The following ADAMTS3 variants were observed in gnomAD, a reference collection of about 807,000 sequenced individuals.
ADAMTS3 encodes the protein A disintegrin and metalloproteinase with thrombospondin motifs 3.
Under a neutral mutation model 129.0 loss-of-function variants are expected in ADAMTS3, and 73 were observed. The ratio of observed to expected loss-of-function variants is 0.57; its 90% CI spans 0.47 to 0.69. The LOEUF (loss-of-function observed/expected upper bound fraction) is 0.69, where lower values mean the gene tolerates loss of function less well. Ranked by LOEUF, ADAMTS3 falls within the 30% of genes least tolerant of loss-of-function variation. ADAMTS3 has a pLI of 0.00. For synonymous variants in ADAMTS3, 477 were observed against 510.8 expected, an observed-to-expected ratio of 0.93 and a Z score of 0.89; for missense variants, 1,457 against 1,514.5, an observed-to-expected ratio of 0.96 and a Z score of 0.63.
chr4:72,371,903 C>CAA (rs34017100), intron 4 of ADAMTS3, among the ~76,000 whole-genome samples: 3 of 142,442 alleles, frequency 2.1e-5, no homozygotes, highest in African/African-American at 5.0e-5. Flanking sequence ...ATACAAATTT[C>CAA]AAAAAAAAAA....
At chr4:72,506,450 G>A (rs1459292315) in intron 3 of ADAMTS3, among the ~76,000 whole-genome samples, 1 of 152,168 alleles carries the variant, frequency 6.6e-6, no homozygotes, top group African/African-American at 2.4e-5. Context: ...TCTGGCTGTG[G>A]TGACCCCTAC....
chr4:72,556,387 T>A (rs1560566532), intron 2 of ADAMTS3, among the ~76,000 whole-genome samples: 1 of 151,768 alleles, frequency 6.6e-6, no homozygotes, highest in Non-Finnish European at 1.5e-5. Flanking sequence ...ATACCAGATG[T>A]CCCCAATACA....
rs1553913389 is a variant in ADAMTS3, at chr4:72,416,172, A to AGTATAAATATATATATACATATATGT, written c.505-1202_505-1201insACATATATGTATATATATATTTATAC. Among the ~76,000 whole-genome samples the AGTATAAATATATATATACATATATGT allele has an allele frequency of 8.9e-4, 130 of 146,078 alleles. 1 individual carries two copies. Among genetic ancestry groups the AGTATAAATATATATATACATATATGT allele is most frequent in the Non-Finnish European group, 4.2e-4 (28 of 66,834 alleles). On this transcript the variant is annotated intron_variant, in intron 3 of 21. Transcript: ENST00000286657. Reference sequence around the variant, plus strand: ...AGAGCATATGTTTTCAGCAAATATAAATATAAATATATATATTCATATATG... The same window carrying AGTATAAATATATATATACATATATGT: ...AGAGCATATGTTTTCAGCAAATATAAGTATAAATATATATATACATATATGTATATAAATATATATATTCATATATG...
intron 3 of ADAMTS3, among the ~76,000 whole-genome samples, chr4:72,518,704 A>G (rs533560851): frequency 6.6e-6 from 1 of 151,560 alleles, no homozygotes; most frequent in South Asian, 2.1e-4. Context: ...ATCTTCCTCT[A>G]TCCTTTTATT....
Position 72,305,704 on chromosome 4 carries a change from A to G in ADAMTS3, c.2260+283T>C, listed in dbSNP as rs79225020. On this transcript the variant is annotated intron_variant, in intron 16 of 21. Coordinates refer to ENST00000286657, the MANE Select transcript of ADAMTS3 (RefSeq NM_014243.3). ...TAACATTCAATTAATGCATTTATAT[A>G]TTATTTTGATTCTTACATATACGTA... Among the ~76,000 whole-genome samples, 1,219 of 152,144 alleles carry G rather than the reference A, an allele frequency of 8.0e-3. 18 individuals carry two copies. Among genetic ancestry groups the G allele is most frequent in the African/African-American group, 0.028 (1,152 of 41,542 alleles).
At chr4:72,468,550 C>T (rs1718981017) in intron 3 of ADAMTS3, among the ~76,000 whole-genome samples, 1 of 151,916 alleles carries the variant, frequency 6.6e-6, no homozygotes, top group Non-Finnish European at 1.5e-5. Context: ...ACTCCCCATA[C>T]CTAGTCATAT....
chr4:72,550,109 GAA>G (rs1721607139), intron 2 of ADAMTS3, among the ~76,000 whole-genome samples: 3 of 138,436 alleles, frequency 2.2e-5, no homozygotes, highest in Non-Finnish European at 3.1e-5. Context: ...AGAAGAAGAA[GAA>G]GAAGAAGGCA....
chr4:72,487,427 G>A (rs1719618818), intron 3 of ADAMTS3, among the ~76,000 whole-genome samples: 2 of 152,078 alleles, frequency 1.3e-5, no homozygotes, highest in Admixed American at 1.3e-4. Flanking sequence ...TTCACTAGAT[G>A]AGAGTGAAGG....
At chr4:72,382,538 AC>A (rs1721320603) in intron 4 of ADAMTS3, among the ~76,000 whole-genome samples, 1 of 152,118 alleles carries the variant, frequency 6.6e-6, no homozygotes, top group Admixed American at 6.6e-5. Flanking sequence ...CTGGGTATCT[AC>A]CCAAAGGAAA....
chr4:72,490,498 C>A (rs1719711438), intron 3 of ADAMTS3, among the ~76,000 whole-genome samples: 1 of 151,778 alleles, frequency 6.6e-6, no homozygotes, highest in South Asian at 2.1e-4. Flanking sequence ...AAGAGTTAAG[C>A]TTTTAATACA....
chr4:72,293,069 A>G (rs1718717793), intron 19 of ADAMTS3, among the ~76,000 whole-genome samples: 1 of 152,218 alleles, frequency 6.6e-6, no homozygotes, highest in African/African-American at 2.4e-5. Context: ...TCACAGCAAC[A>G]TAATTTTGGA....
chr4:72,474,305 T>C (rs1014869093), intron 3 of ADAMTS3, among the ~76,000 whole-genome samples: 2 of 151,994 alleles, frequency 1.3e-5, no homozygotes, highest in African/African-American at 4.8e-5. Context: ...GTTTCAATCA[T>C]CAATTACAAA....
chr4:72,358,519 T>G (rs1720639727), intron 4 of ADAMTS3, among the ~76,000 whole-genome samples: 1 of 151,938 alleles, frequency 6.6e-6, no homozygotes, highest in Non-Finnish European at 1.5e-5. Flanking sequence ...CTGCTTGTTT[T>G]AAAAATATGA....
At chr4:72,372,311 A>G (rs987946094) in intron 4 of ADAMTS3, among the ~76,000 whole-genome samples, 5 of 152,146 alleles carry the variant, frequency 3.3e-5, no homozygotes, top group African/African-American at 1.2e-4. Flanking sequence ...AATCTGTGGG[A>G]AGAATAATAC....
chr4:72,375,075 C>A (rs1479730186), intron 4 of ADAMTS3, among the ~76,000 whole-genome samples: 1 of 152,154 alleles, frequency 6.6e-6, no homozygotes, highest in African/African-American at 2.4e-5. Flanking sequence ...TCTTCTTAAT[C>A]TCAATCTTCT....
chr4:72,426,062 A>T (rs960672610), intron 3 of ADAMTS3, among the ~76,000 whole-genome samples: 2 of 152,062 alleles, frequency 1.3e-5, no homozygotes, highest in Admixed American at 1.3e-4. Flanking sequence ...TGTGGTTTTG[A>T]TTTGCATTTC....
At chr4:72,324,796 C>A (rs371366354) in intron 5 of ADAMTS3, among the ~76,000 whole-genome samples, 1 of 152,084 alleles carries the variant, frequency 6.6e-6, no homozygotes, top group South Asian at 2.1e-4. Flanking sequence ...AGGTGCTTGA[C>A]AAAACATGAA....
chr4:72,479,386 G>T (rs1164017675), intron 3 of ADAMTS3, among the ~76,000 whole-genome samples: 4 of 152,088 alleles, frequency 2.6e-5, no homozygotes, highest in African/African-American at 9.7e-5. Flanking sequence ...CAGAAATAAT[G>T]CCACATATCT....
At chr4:72,380,000 T>A (rs1721243011) in intron 4 of ADAMTS3, among the ~76,000 whole-genome samples, 2 of 152,238 alleles carry the variant, frequency 1.3e-5, no homozygotes, top group South Asian at 4.1e-4. Flanking sequence ...AGGGTTCACA[T>A]AAGCAACATA....
Sources: allele counts gnomAD v4.1 joint callset (sites outside exome capture counted in the v4.1 genomes callset), GRCh38; gene constraint gnomAD v4.1.1; transcripts MANE v1.5; gene names NCBI Gene and HGNC (gene_info 2026-07-23, HGNC 2026-07-21).